TMEM178B: variants seen among roughly 807,000 people sequenced by gnomAD.
TMEM178B encodes the protein transmembrane protein 178B.
Under a neutral mutation model 31.0 loss-of-function variants are expected in TMEM178B, and 5 were observed. The observed-to-expected ratio is 0.16, with a 90% confidence interval of 0.08 to 0.34. The LOEUF is 0.34. TMEM178B is among the 10% of genes least tolerant of loss of function. The probability of loss-of-function intolerance (pLI) is 1.00; values close to 1 mark genes in which losing one functional copy is unlikely to be tolerated. For synonymous variants in TMEM178B, 164 were observed against 164.0 expected, an observed-to-expected ratio of 1.00 and a Z score of 0.00; for missense variants, 275 against 400.3, an observed-to-expected ratio of 0.69 and a Z score of 2.67.
chr7:141,267,636 G>C (rs1315296843), intron 2 of TMEM178B, among the ~76,000 whole-genome samples: 3 of 152,228 alleles, frequency 2.0e-5, no homozygotes, highest in Non-Finnish European at 4.4e-5. Flanking sequence ...ATGCAGGAGT[G>C]GCTACCAAGC....
chr7:141,101,951 G>A (rs1795066696), intron 1 of TMEM178B, among the ~76,000 whole-genome samples: 1 of 146,854 alleles, frequency 6.8e-6, no homozygotes, highest in Non-Finnish European at 1.5e-5. Flanking sequence ...GTACATACAT[G>A]CTCATACTGT....
At chr7:141,079,289 AAAAC>A (rs534633571) in intron 1 of TMEM178B, among the ~76,000 whole-genome samples, 2 of 152,140 alleles carry the variant, frequency 1.3e-5, no homozygotes, top group African/African-American at 2.4e-5. Flanking sequence ...TCTGTCTCAA[AAAAC>A]AAACAAACAA....
intron 2 of TMEM178B, among the ~76,000 whole-genome samples, chr7:141,289,266 GA>G (rs1798503156): frequency 6.6e-6 from 1 of 152,140 alleles, no homozygotes; most frequent in East Asian, 1.9e-4. Context: ...TGTCATCCTA[GA>G]AGCTAAATAG....
intron 2 of TMEM178B, among the ~76,000 whole-genome samples, chr7:141,296,836 T>C (rs1016005922): frequency 6.6e-6 from 1 of 152,244 alleles, no homozygotes; most frequent in Non-Finnish European, 1.5e-5. Context: ...AAGATCTTTC[T>C]CATCTCACCC....
downstream of TMEM178B, among the ~76,000 whole-genome samples, chr7:141,480,775 T>A (rs1246605212): frequency 6.6e-6 from 1 of 152,234 alleles, no homozygotes; most frequent in Non-Finnish European, 1.5e-5. Context: ...TCTCTCCTAG[T>A]CTTCATCAGC....
At chr7:141,342,638 C>G (rs537831314) in intron 2 of TMEM178B, among the ~76,000 whole-genome samples, 3 of 152,306 alleles carry the variant, frequency 2.0e-5, no homozygotes, top group African/African-American at 7.2e-5. Context: ...TAAATTTTAG[C>G]AAATTCTCCT....
intron 2 of TMEM178B, among the ~76,000 whole-genome samples, chr7:141,410,622 T>C (rs1800967686): frequency 6.6e-6 from 1 of 151,954 alleles, no homozygotes; most frequent in African/African-American, 2.4e-5. Context: ...GCCTGGTACC[T>C]GTCACCCGAG....
intron 2 of TMEM178B, among the ~76,000 whole-genome samples, chr7:141,249,694 A>G (rs967369948): frequency 2.0e-5 from 3 of 152,148 alleles, no homozygotes; most frequent in African/African-American, 7.2e-5. Flanking sequence ...GTCTGGAAAA[A>G]TGGAAGGAGG....
At chr7:141,258,751 C>CTTCT (rs781616222) in intron 2 of TMEM178B, among the ~76,000 whole-genome samples, 1 of 152,066 alleles carries the variant, frequency 6.6e-6, no homozygotes, top group African/African-American at 2.4e-5. Context: ...GAGTTTTTGT[C>CTTCT]TTCTTTCTTT....
At chr7:141,347,964 A>C (rs1242072691) in intron 2 of TMEM178B, among the ~76,000 whole-genome samples, 1 of 152,170 alleles carries the variant, frequency 6.6e-6, no homozygotes, top group Non-Finnish European at 1.5e-5. Context: ...ACCTTTCAAA[A>C]CTTAATTTCC....
At chr7:141,098,593 TCA>T (rs2129173251) in intron 1 of TMEM178B, among the ~76,000 whole-genome samples, 1 of 152,360 alleles carries the variant, frequency 6.6e-6, no homozygotes, top group East Asian at 1.9e-4. Flanking sequence ...TTTCTATGCC[TCA>T]GTTTCCTTAT....
At chr7:141,268,501 T>G (rs1798129827) in intron 2 of TMEM178B, among the ~76,000 whole-genome samples, 1 of 152,272 alleles carries the variant, frequency 6.6e-6, no homozygotes, top group South Asian at 2.1e-4. Context: ...TACCCGTGAT[T>G]AACCACAGAA....
At chr7:141,093,787 G>A (rs7810683) in intron 1 of TMEM178B, among the ~76,000 whole-genome samples, 6,432 of 152,212 alleles carry the variant, frequency 0.042, 391 homozygotes, top group African/African-American at 0.14. Flanking sequence ...AGTGGTCACC[G>A]CTGTGAAGTG....
At chr7:141,463,335 G>A (rs1452910925) in intron 3 of TMEM178B, among the ~76,000 whole-genome samples, 2 of 152,172 alleles carry the variant, frequency 1.3e-5, no homozygotes, top group Non-Finnish European at 2.9e-5. Flanking sequence ...GCATGGCCTT[G>A]CCACCCACAG....
In TMEM178B at chr7:141,364,023, CT is replaced by C. The variant is rs1394242975; in HGVS notation, c.497-73583del. Among the ~76,000 whole-genome samples the C allele has an allele frequency of 2.0e-5, 3 of 151,622 alleles. No homozygotes were observed. The South Asian group carries it at 6.3e-4, about 32-fold the overall frequency. On this transcript the variant is annotated intron_variant, in intron 2 of 3. Transcript: ENST00000565468. ...AGGTTAAGAAGGCTTCATACATCAC[CT>C]TGACTTACTCCTAATATCTGTTTAG...
At chr7:141,505,961 A>G in the TMEM178B span, among the ~76,000 whole-genome samples, 1 of 152,226 alleles carries the variant, frequency 6.6e-6, no homozygotes, top group African/African-American at 2.4e-5. Context: ...CTGCAAGGGT[A>G]TACCCCTCTG....
intron 1 of TMEM178B, among the ~76,000 whole-genome samples, chr7:141,136,363 A>G (rs1042424420): frequency 3.9e-5 from 6 of 152,248 alleles, no homozygotes; most frequent in East Asian, 1.9e-4. Context: ...GTCTCACCAT[A>G]TACAAAAATC....
Position 141,474,730 on chromosome 7 carries a change from A to C in TMEM178B, c.*3944A>C, listed in dbSNP as rs192904189. ...GCCCTATATCTCAATATTCATCCACACTCATGATAAGATGCCGGAAATGAA... is the reference window on the plus strand; with the variant it reads ...GCCCTATATCTCAATATTCATCCACCCTCATGATAAGATGCCGGAAATGAA... On this transcript the variant is annotated 3_prime_UTR_variant, in exon 4 of 4. Transcript: ENST00000565468. The C allele has an allele frequency of 1.2e-4, 19 of 152,124 alleles. No homozygotes were observed. The East Asian group carries it at 3.5e-3, about 28-fold the overall frequency. The allele number at this position is 152,124 out of a possible 1,614,324, so 9.4% of individuals were successfully genotyped here.
the TMEM178B span, among the ~76,000 whole-genome samples, chr7:141,487,096 ACTT>A: frequency 4.6e-5 from 7 of 152,300 alleles, no homozygotes; most frequent in South Asian, 1.5e-3. Flanking sequence ...GTTCGCTGCA[ACTT>A]CATGCCAACA....
Sources: gnomAD v4.1 joint callset for allele counts (sites outside exome capture counted in the v4.1 genomes callset) on GRCh38, gnomAD v4.1.1 for gene constraint, MANE v1.5 for transcripts, NCBI Gene and HGNC (gene_info 2026-07-23, HGNC 2026-07-21) for gene names.